The following SORCS3 variants were observed in gnomAD, a reference collection of about 807,000 sequenced individuals.
SORCS3 encodes VPS10 domain-containing receptor SorCS3.
In SORCS3, 57 loss-of-function variants were observed where a neutral mutation model predicts 146.3. The ratio of observed to expected loss-of-function variants is 0.39; its 90% CI spans 0.31 to 0.49. The LOEUF is 0.49. Among genes scored for constraint, SORCS3 ranks in the 20% least tolerant of loss-of-function variants. The pLI is 0.92. For synonymous variants in SORCS3, 653 were observed against 618.5 expected (o/e 1.06, Z -0.83); for missense variants, 1,341 against 1,575.5 (o/e 0.85, Z 2.52).
chr10:105,069,124 A>T (rs1441454538), intron 5 of SORCS3, among the ~76,000 whole-genome samples: 1 of 152,224 alleles, frequency 6.6e-6, no homozygotes, highest in African/African-American at 2.4e-5. Flanking sequence ...ACATCTTTCC[A>T]AACTCATAGT....
At chr10:105,217,905 G>A in intron 19 of SORCS3, 1 of 454,068 alleles carries the variant, frequency 2.2e-6, no homozygotes, top group Non-Finnish European at 4.4e-6. Flanking sequence ...GTGTATCAGT[G>A]ATATTCGTGG....
chr10:104,786,802 C>T (rs186182850), intron 1 of SORCS3, among the ~76,000 whole-genome samples: 2 of 152,174 alleles, frequency 1.3e-5, no homozygotes, highest in African/African-American at 4.8e-5. Context: ...GCAGAGTTTT[C>T]TTTGGTGCCT....
intron 18 of SORCS3, among the ~76,000 whole-genome samples, chr10:105,216,471 T>C (rs1284886895): frequency 6.6e-6 from 1 of 152,104 alleles, no homozygotes; most frequent in Non-Finnish European, 1.5e-5. Flanking sequence ...ACTACTTATT[T>C]TTGTCCCCAG....
At chr10:104,763,793 TG>T (rs1263430862) in intron 1 of SORCS3, among the ~76,000 whole-genome samples, 2 of 152,164 alleles carry the variant, frequency 1.3e-5, no homozygotes, top group African/African-American at 4.8e-5. Flanking sequence ...AATTGAGTCA[TG>T]GGGGTGGTTC....
intron 1 of SORCS3, among the ~76,000 whole-genome samples, chr10:104,708,879 A>C (rs1204286497): frequency 6.6e-6 from 1 of 152,144 alleles, no homozygotes; most frequent in Non-Finnish European, 1.5e-5. Context: ...TTTGTTTTTT[A>C]ATTGCTAGAG....
At chr10:104,934,516 A>T (rs183770257) in intron 3 of SORCS3, among the ~76,000 whole-genome samples, 1 of 152,332 alleles carries the variant, frequency 6.6e-6, no homozygotes, top group Non-Finnish European at 1.5e-5. Flanking sequence ...AATAATTTTA[A>T]AAGTTGTGTA....
chr10:105,035,587 C>T (rs1233001637), intron 4 of SORCS3, among the ~76,000 whole-genome samples: 1 of 151,916 alleles, frequency 6.6e-6, no homozygotes, highest in African/African-American at 2.4e-5. Context: ...CCTGCCTCAG[C>T]CTCCTGAGTA....
intron 8 of SORCS3, among the ~76,000 whole-genome samples, chr10:105,145,581 A>G (rs1312119129): frequency 6.6e-6 from 1 of 152,160 alleles, no homozygotes; most frequent in Non-Finnish European, 1.5e-5. Context: ...GCATTTTAAC[A>G]GGGTAAGTGA....
chr10:104,746,387 T>C (rs1036285550), intron 1 of SORCS3, among the ~76,000 whole-genome samples: 21 of 152,290 alleles, frequency 1.4e-4, no homozygotes, highest in East Asian at 9.6e-4. Context: ...CCGCCCGCCT[T>C]GGCCTCCCAG....
At chr10:105,091,541 C>T (rs1355101849) in intron 6 of SORCS3, among the ~76,000 whole-genome samples, 1 of 148,120 alleles carries the variant, frequency 6.8e-6, no homozygotes, top group Non-Finnish European at 1.5e-5. Flanking sequence ...TTCCTCCCTC[C>T]CTCCCTCCTT....
intron 4 of SORCS3, among the ~76,000 whole-genome samples, chr10:105,036,073 G>A (rs183661329): frequency 6.6e-6 from 1 of 152,114 alleles, no homozygotes; most frequent in African/African-American, 2.4e-5. Flanking sequence ...GTGGCACTTA[G>A]ACCAATGCAC....
intron 1 of SORCS3, among the ~76,000 whole-genome samples, chr10:104,803,193 A>C (rs2017643750): frequency 6.6e-6 from 1 of 152,278 alleles, no homozygotes; most frequent in Admixed American, 6.5e-5. Context: ...ACAAAAACTT[A>C]GACTCATGGT....
chr10:105,095,004 T>A (rs781392500), intron 6 of SORCS3, among the ~76,000 whole-genome samples: 11 of 152,210 alleles, frequency 7.2e-5, no homozygotes, highest in Non-Finnish European at 1.6e-4. Flanking sequence ...TGCCTGTTTA[T>A]AATGATAAAG....
intron 7 of SORCS3, among the ~76,000 whole-genome samples, chr10:105,116,905 G>T (rs1027785331): frequency 1.3e-5 from 2 of 152,120 alleles, no homozygotes; most frequent in African/African-American, 4.8e-5. Flanking sequence ...GTGGGAGGAG[G>T]AAGAGGAGCA....
intron 20 of SORCS3, among the ~76,000 whole-genome samples, chr10:105,237,865 ATGTTTTATGGC>A (rs2056801813): frequency 1.3e-5 from 2 of 152,192 alleles, no homozygotes; most frequent in African/African-American, 4.8e-5. Context: ...TTGGAAGGTG[ATGTTTTATGGC>A]TGTTTTATGT....
At chr10:104,965,274 G>C (rs1001833215) in intron 3 of SORCS3, among the ~76,000 whole-genome samples, 5 of 152,086 alleles carry the variant, frequency 3.3e-5, no homozygotes, top group African/African-American at 1.2e-4. Flanking sequence ...ATTTATACTT[G>C]CATCAACACT....
intron 1 of SORCS3, among the ~76,000 whole-genome samples, chr10:104,737,861 C>T (rs1380536518): frequency 1.3e-5 from 2 of 148,836 alleles, no homozygotes; most frequent in Non-Finnish European, 3.0e-5. Flanking sequence ...ACGCCTATGT[C>T]CTGAATGGTA....
At chr10:104,866,191 A>G (rs999889780) in intron 2 of SORCS3, among the ~76,000 whole-genome samples, 1 of 152,240 alleles carries the variant, frequency 6.6e-6, no homozygotes, top group African/African-American at 2.4e-5. Context: ...CTGAACAAGA[A>G]GAAATGGACA....
chr10:104,837,021 T>A (rs2018077519), intron 1 of SORCS3, among the ~76,000 whole-genome samples: 1 of 152,174 alleles, frequency 6.6e-6, no homozygotes, highest in Admixed American at 6.5e-5. Context: ...CTTAATTGCT[T>A]CCTCTTCTCA....
Sources: gnomAD v4.1 joint callset for allele counts (sites outside exome capture counted in the v4.1 genomes callset) on GRCh38, gnomAD v4.1.1 for gene constraint, MANE v1.5 for transcripts, NCBI Gene and HGNC (gene_info 2026-07-23, HGNC 2026-07-21) for gene names.